The following SGCZ variants were observed in gnomAD, a reference collection of about 807,000 sequenced individuals.
SGCZ encodes zeta-sarcoglycan.
SGCZ carries 40 observed loss-of-function variants against 41.3 expected under a neutral mutation model. The observed-to-expected ratio is 0.97, with a 90% CI of 0.75 to 1.26. The LOEUF is 1.26. Ranked by LOEUF, SGCZ falls within the 50% of genes most tolerant of loss-of-function variation. The pLI, the probability that SGCZ is intolerant of heterozygous loss-of-function variation, is 0.00. For synonymous variants in SGCZ, 206 were observed against 137.5 expected (o/e 1.50, Z -3.49); for missense variants, 552 against 369.8 (o/e 1.49, Z -4.04).
In SGCZ at chr8:14,568,422, A is replaced by G. The variant is rs1459364289; in HGVS notation, c.40-13496T>C. Among the ~76,000 whole-genome samples the G allele has an allele frequency of 4.6e-5, 6 of 129,968 alleles. No individual in the cohort carries two copies. The East Asian group carries it at 1.1e-3, about 24-fold the overall frequency. 85.3% of individuals were successfully genotyped at this position (129,968 alleles called of 152,430 possible). A position where few individuals can be genotyped will look rare whatever the true frequency, so the allele number is the denominator to read the frequency against. On this transcript the variant is annotated intron_variant, in intron 1 of 7. Transcript: ENST00000382080. ...AAGAAAGAAAGAATTGATCGTTTTG[A>G]AAAAAAAAAAATACATTATCAGAAA... is the stretch of plus-strand genomic sequence containing the variant.
chr8:14,600,257 T>C (rs1805544015), intron 1 of SGCZ, among the ~76,000 whole-genome samples: 1 of 152,198 alleles, frequency 6.6e-6, no homozygotes, highest in Non-Finnish European at 1.5e-5. Context: ...TCTACTCCCT[T>C]GAGTGCCCTT....
At chr8:15,035,263 T>A (rs983800752) in intron 1 of SGCZ, among the ~76,000 whole-genome samples, 1 of 152,160 alleles carries the variant, frequency 6.6e-6, no homozygotes, top group African/African-American at 2.4e-5. Context: ...AGCTAATTTG[T>A]TATCAGCTTA....
At chr8:14,374,653 C>T (rs1479904244) in intron 2 of SGCZ, among the ~76,000 whole-genome samples, 1 of 152,128 alleles carries the variant, frequency 6.6e-6, no homozygotes. Context: ...GGCCAGACCA[C>T]ATACTGCCAT....
intron 3 of SGCZ, among the ~76,000 whole-genome samples, chr8:14,249,036 T>C (rs969272210): frequency 3.3e-5 from 5 of 152,320 alleles, no homozygotes; most frequent in African/African-American, 9.6e-5. Flanking sequence ...AGACTGGAGA[T>C]GGGTGTCCAA....
intron 1 of SGCZ, among the ~76,000 whole-genome samples, chr8:14,782,581 A>C (rs945680785): frequency 9.9e-5 from 15 of 152,216 alleles, no homozygotes; most frequent in African/African-American, 3.1e-4. Flanking sequence ...AACAAGACTC[A>C]TTTCAATACT....
intron 1 of SGCZ, among the ~76,000 whole-genome samples, chr8:15,097,862 GTGTGTATATATATATATATACGTGTGTA>G (rs1563124017): frequency 2.6e-3 from 47 of 18,254 alleles, no homozygotes; most frequent in East Asian, 0.022. Context: ...ATATACGTGT[GTGTGTATATATATATATATACGTGTGTA>G]TATATATATA....
intron 5 of SGCZ, among the ~76,000 whole-genome samples, chr8:14,140,762 T>C (rs531462424): frequency 1.3e-5 from 2 of 152,242 alleles, no homozygotes; most frequent in East Asian, 3.9e-4. Context: ...AATTTATAGA[T>C]TCAATGCCAT....
At chr8:14,237,177 A>ATT in intron 4 of SGCZ, among the ~76,000 whole-genome samples, 1 of 152,258 alleles carries the variant, frequency 6.6e-6, no homozygotes, top group East Asian at 1.9e-4. Context: ...AAAATGGTGC[A>ATT]TTTCATAATT....
intron 1 of SGCZ, among the ~76,000 whole-genome samples, chr8:14,838,993 G>A (rs1469032886): frequency 1.3e-5 from 2 of 152,106 alleles, no homozygotes; most frequent in African/African-American, 4.8e-5. Flanking sequence ...GATCTCCTCA[G>A]TATGAAAGAA....
intron 4 of SGCZ, among the ~76,000 whole-genome samples, chr8:14,232,379 A>T (rs1273874282): frequency 1.3e-5 from 2 of 151,992 alleles, no homozygotes; most frequent in Non-Finnish European, 2.9e-5. Context: ...AGTGATGTTA[A>T]TTGCTCAAAG....
intron 1 of SGCZ, among the ~76,000 whole-genome samples, chr8:14,761,631 C>G (rs752359079): frequency 6.6e-6 from 1 of 151,018 alleles, no homozygotes; most frequent in Non-Finnish European, 1.5e-5. Flanking sequence ...CTCCCGGATT[C>G]GAACAATTCA....
intron 2 of SGCZ, among the ~76,000 whole-genome samples, chr8:14,518,826 G>A (rs1245393780): frequency 6.7e-6 from 1 of 150,086 alleles, no homozygotes; most frequent in Non-Finnish European, 1.5e-5. Context: ...GGAGGCCAAG[G>A]CAGGAGGATC....
rs191984689 is a variant in SGCZ, at chr8:14,307,416, G to A, written c.336+16687C>T. ...AATATAAATGCATAATTCCTTTCCC[G>A]TCCATATTCACTTTTCCAGGATCTG... On this transcript the variant is annotated intron_variant, in intron 3 of 7. Coordinates refer to ENST00000382080, the MANE Select transcript of SGCZ (RefSeq NM_139167.4). 4.6e-5 allele frequency among the ~76,000 whole-genome samples: 7 copies of A among 152,138 alleles called. No homozygotes were observed. The East Asian group carries it at 5.8e-4, about 13-fold the overall frequency.
intron 1 of SGCZ, among the ~76,000 whole-genome samples, chr8:14,644,576 G>C (rs949148531): frequency 6.6e-6 from 1 of 151,698 alleles, no homozygotes; most frequent in African/African-American, 2.4e-5. Flanking sequence ...TGGAGATCCT[G>C]ATTCGAAAAT....
intron 2 of SGCZ, among the ~76,000 whole-genome samples, chr8:14,399,982 C>T (rs924978953): frequency 1.3e-5 from 2 of 152,038 alleles, no homozygotes; most frequent in African/African-American, 4.8e-5. Flanking sequence ...TGCTCATTAG[C>T]TATCAGTTCC....
At chr8:14,344,549 T>C (rs1419801233) in intron 2 of SGCZ, among the ~76,000 whole-genome samples, 4 of 151,888 alleles carry the variant, frequency 2.6e-5, no homozygotes, top group Non-Finnish European at 4.4e-5. Context: ...ACCTACACCT[T>C]ATAACAAATA....
intron 2 of SGCZ, among the ~76,000 whole-genome samples, chr8:14,411,710 TTATAA>T (rs1267134398): frequency 2.0e-5 from 3 of 152,100 alleles, no homozygotes; most frequent in Admixed American, 6.6e-5. Context: ...GTAAATACTA[TTATAA>T]TATTAGTATT....
intron 4 of SGCZ, among the ~76,000 whole-genome samples, chr8:14,197,507 A>C (rs1034624535): frequency 1.3e-5 from 2 of 152,132 alleles, no homozygotes; most frequent in Admixed American, 6.6e-5. Context: ...CAGCCTTTGA[A>C]AAATCTACCA....
chr8:14,486,587 CGT>C (rs1191753879), intron 2 of SGCZ, among the ~76,000 whole-genome samples: 1 of 152,162 alleles, frequency 6.6e-6, no homozygotes, highest in East Asian at 1.9e-4. Flanking sequence ...TGTGCGCGCG[CGT>C]GCGCACGTGT....
Sources: allele counts gnomAD v4.1 joint callset (sites outside exome capture counted in the v4.1 genomes callset), GRCh38; gene constraint gnomAD v4.1.1; transcripts MANE v1.5; gene names NCBI Gene and HGNC (gene_info 2026-07-23, HGNC 2026-07-21).